The following ATP8A2 variants were observed in gnomAD, a reference collection of about 807,000 sequenced individuals.
ATP8A2 encodes ATPase phospholipid transporting 8A2, also known as phospholipid-transporting ATPase IB.
Under a neutral mutation model 165.6 loss-of-function variants are expected in ATP8A2, and 100 were observed. That is an observed-to-expected ratio of 0.60 (90% CI 0.51 to 0.71). The LOEUF is 0.71. Among genes scored for constraint, ATP8A2 ranks in the 30% least tolerant of loss-of-function variants. ATP8A2 has a pLI of 0.00. For synonymous variants in ATP8A2, 543 were observed against 548.8 expected, an observed-to-expected ratio of 0.99 and a Z score of 0.15; for missense variants, 1,227 against 1,479.5, an observed-to-expected ratio of 0.83 and a Z score of 2.80.
chr13:26,016,102 C>T (rs751854565), intron 36 of ATP8A2, among the ~76,000 whole-genome samples: 4 of 152,208 alleles, frequency 2.6e-5, no homozygotes, highest in Admixed American at 6.5e-5. Flanking sequence ...TTTATCTGAA[C>T]ATGGGAGGAC....
At chr13:25,402,101 C>A (rs1023658699) in intron 1 of ATP8A2, among the ~76,000 whole-genome samples, 2 of 152,170 alleles carry the variant, frequency 1.3e-5, no homozygotes, top group African/African-American at 4.8e-5. Flanking sequence ...AAGAAGACTC[C>A]TAAGTGACTA....
At chr13:26,018,296 GTCT>G (rs1957028617) in intron 36 of ATP8A2, among the ~76,000 whole-genome samples, 1 of 152,214 alleles carries the variant, frequency 6.6e-6, no homozygotes, top group Non-Finnish European at 1.5e-5. Flanking sequence ...CAGCCTGAGT[GTCT>G]TCTTTTAAAG....
chr13:25,828,939 A>G (rs899545578), intron 28 of ATP8A2, among the ~76,000 whole-genome samples: 3 of 152,168 alleles, frequency 2.0e-5, no homozygotes, highest in African/African-American at 7.2e-5. Flanking sequence ...CTTGCCTTCA[A>G]TCCTAACTCT....
At chr13:25,890,190 C>A (rs367994201) in intron 33 of ATP8A2, among the ~76,000 whole-genome samples, 1 of 151,878 alleles carries the variant, frequency 6.6e-6, no homozygotes, top group South Asian at 2.1e-4. Context: ...AAAATTTTAC[C>A]GTCTCTCTGG....
At chr13:26,004,148 A>G (rs995040031) in intron 35 of ATP8A2, among the ~76,000 whole-genome samples, 4 of 152,090 alleles carry the variant, frequency 2.6e-5, no homozygotes, top group African/African-American at 9.6e-5. Context: ...TTTACAGTTC[A>G]TGAGCATAGC....
In ATP8A2 at chr13:25,997,436, T is replaced by A. The variant is rs530369132; in HGVS notation, c.3378-15095T>A. Among the ~76,000 whole-genome samples, 3 of 152,346 alleles carry A rather than the reference T, an allele frequency of 2.0e-5. No homozygotes were observed. In the South Asian group the frequency reaches 6.2e-4, roughly 32 times the overall value. Reference sequence around the variant, plus strand: ...CTTGTTGTGGATTTCTTTGAGTTTATCCTCTTTAGAATTGCTCTGTAAGTT... The same window carrying A: ...CTTGTTGTGGATTTCTTTGAGTTTAACCTCTTTAGAATTGCTCTGTAAGTT... On this transcript the variant is annotated intron_variant, in intron 35 of 36. Coordinates refer to ENST00000381655, the MANE Select transcript of ATP8A2 (RefSeq NM_016529.6).
Position 25,898,832 on chromosome 13 carries a change from G to A in ATP8A2, c.3183+36424G>A, listed in dbSNP as rs534218184. ...GTGGGCATAGAACCCTCCGAGCTAG[G>A]TGCCGGATATAATCTCCTGGTGTGC... On this transcript the variant is annotated intron_variant, in intron 33 of 36. Coordinates refer to ENST00000381655, the MANE Select transcript of ATP8A2 (RefSeq NM_016529.6). Among the ~76,000 whole-genome samples the A allele has an allele frequency of 5.9e-5, 9 of 152,350 alleles. No individual in the cohort carries two copies. The South Asian group carries it at 1.4e-3, about 25-fold the overall frequency.
At position 25,899,645 on chromosome 13, in the gene ATP8A2, TG is replaced by T. The variant is rs562169753; in HGVS notation, c.3183+37238del. Among the ~76,000 whole-genome samples, 71 of 152,094 alleles carry T rather than the reference TG, an allele frequency of 4.7e-4. 2 individuals carry two copies. Among genetic ancestry groups the T allele is most frequent in the Admixed American group, 4.1e-3 (63 of 15,284 alleles). On this transcript the variant is annotated intron_variant, in intron 33 of 36. Coordinates refer to ENST00000381655, the MANE Select transcript of ATP8A2 (RefSeq NM_016529.6). ...GCTGAGCGGAGGACACAGAGCATGG[TG>T]TGTTCTGAGGACAGGGCCACAGTCA...
intron 1 of ATP8A2, among the ~76,000 whole-genome samples, chr13:25,382,939 T>G (rs1183150296): frequency 6.6e-6 from 1 of 150,442 alleles, no homozygotes; most frequent in Non-Finnish European, 1.5e-5. Flanking sequence ...GTATTTTTAG[T>G]GGAGACGGGG....
At chr13:25,673,585 T>G (rs1446207442) in intron 24 of ATP8A2, among the ~76,000 whole-genome samples, 1 of 152,236 alleles carries the variant, frequency 6.6e-6, no homozygotes, top group African/African-American at 2.4e-5. Flanking sequence ...TTGGCATTTA[T>G]TGCTCCCTGT....
intron 8 of ATP8A2, among the ~76,000 whole-genome samples, chr13:25,540,655 G>A (rs2038444661): frequency 6.6e-6 from 1 of 152,094 alleles, no homozygotes; most frequent in Non-Finnish European, 1.5e-5. Flanking sequence ...GGAGAGAGGG[G>A]ACATCTCGAT....
intron 30 of ATP8A2, among the ~76,000 whole-genome samples, chr13:25,852,684 TAC>T (rs1406647941): frequency 6.6e-6 from 1 of 152,174 alleles, no homozygotes; most frequent in Non-Finnish European, 1.5e-5. Context: ...TTACAAAATT[TAC>T]AGTTTCTTGG....
chr13:25,535,917 T>C (rs2038266301), intron 6 of ATP8A2, among the ~76,000 whole-genome samples: 1 of 152,068 alleles, frequency 6.6e-6, no homozygotes, highest in Non-Finnish European at 1.5e-5. Flanking sequence ...GTTACTGGAA[T>C]ATGAATGTTT....
At chr13:26,004,197 T>C (rs1300359744) in intron 35 of ATP8A2, among the ~76,000 whole-genome samples, 1 of 152,134 alleles carries the variant, frequency 6.6e-6, no homozygotes, top group Non-Finnish European at 1.5e-5. Context: ...ATTTCATCAG[T>C]GTTTTGTAGT....
At chr13:25,892,985 A>C (rs772709168) in intron 33 of ATP8A2, among the ~76,000 whole-genome samples, 1 of 152,120 alleles carries the variant, frequency 6.6e-6, no homozygotes, top group Non-Finnish European at 1.5e-5. Flanking sequence ...CATAGGACAT[A>C]TCAATCAAAT....
At chr13:25,623,089 A>G (rs917888475) in intron 24 of ATP8A2, among the ~76,000 whole-genome samples, 26 of 152,212 alleles carry the variant, frequency 1.7e-4, no homozygotes, top group Admixed American at 1.7e-3. Flanking sequence ...AATTTCAACA[A>G]AATGCCAGGA....
intron 24 of ATP8A2, among the ~76,000 whole-genome samples, chr13:25,635,180 C>T (rs540452781): frequency 6.6e-6 from 1 of 152,180 alleles, no homozygotes; most frequent in African/African-American, 2.4e-5. Context: ...ACCCGTGTAA[C>T]ATTTTAAAAG....
chr13:25,978,220 T>C (rs1426591659), intron 35 of ATP8A2, among the ~76,000 whole-genome samples: 1 of 152,224 alleles, frequency 6.6e-6, no homozygotes, highest in Non-Finnish European at 1.5e-5. Context: ...ATTGCCATTG[T>C]ATAGGTCACA....
chr13:25,701,763 CACACTT>C (rs2042956587), intron 25 of ATP8A2, among the ~76,000 whole-genome samples: 1 of 145,868 alleles, frequency 6.9e-6, no homozygotes, highest in Non-Finnish European at 1.5e-5. Flanking sequence ...CACACACACA[CACACTT>C]TTTTCCCCTT....
Sources: gnomAD v4.1 joint callset for allele counts (sites outside exome capture counted in the v4.1 genomes callset) on GRCh38, gnomAD v4.1.1 for gene constraint, MANE v1.5 for transcripts, NCBI Gene and HGNC (gene_info 2026-07-23, HGNC 2026-07-21) for gene names.